Variants in NEK10 observed in about 807,000 individuals in gnomAD.
NEK10 encodes serine/threonine-protein kinase Nek10.
Under a neutral mutation model 159.8 loss-of-function variants are expected in NEK10, and 122 were observed. The ratio of observed to expected loss-of-function variants is 0.76; its 90% CI spans 0.66 to 0.89. The LOEUF (loss-of-function observed/expected upper bound fraction) is 0.89. NEK10 is among the 40% of genes least tolerant of loss of function. The pLI is 0.00. For synonymous variants in NEK10, 466 were observed against 457.1 expected, an observed-to-expected ratio of 1.02 and a Z score of -0.25; for missense variants, 1,342 against 1,323.1, an observed-to-expected ratio of 1.01 and a Z score of -0.22.
chr3:27,185,713 C>G (rs1333671464), intron 26 of NEK10, among the ~76,000 whole-genome samples: 1 of 152,166 alleles, frequency 6.6e-6, no homozygotes. Context: ...TATGACATAT[C>G]AGCATCCCTG....
At chr3:27,192,437 A>C (rs1380985807) in intron 25 of NEK10, among the ~76,000 whole-genome samples, 195 bp from the exon 26 acceptor site, 1 of 152,154 alleles carries the variant, frequency 6.6e-6, no homozygotes, top group Non-Finnish European at 1.5e-5. Flanking sequence ...TAAGGAAGGA[A>C]AAGGAGTCAG....
intron 1 of NEK10, among the ~76,000 whole-genome samples, chr3:27,366,901 T>G (rs2049134151): frequency 7.0e-6 from 1 of 142,302 alleles, no homozygotes; most frequent in Admixed American, 7.5e-5. Flanking sequence ...AACCTCCGCC[T>G]CCCGGTTCAA....
intron 5 of NEK10, among the ~76,000 whole-genome samples, chr3:27,331,247 A>AC (rs2046379653): frequency 7.8e-6 from 1 of 127,718 alleles, no homozygotes; most frequent in Non-Finnish European, 1.7e-5. Context: ...CAAAAAAAAA[A>AC]AAACAAAAAA....
At chr3:27,224,244 T>C (rs1952405546) in intron 23 of NEK10, among the ~76,000 whole-genome samples, 1 of 152,192 alleles carries the variant, frequency 6.6e-6, no homozygotes, top group Admixed American at 6.5e-5. Flanking sequence ...CAATGGACAG[T>C]CCCATTTCTT....
In NEK10 at chr3:27,149,408, T is replaced by C. The variant is rs936807645; in HGVS notation, c.2870-7826A>G. On this transcript the variant is annotated intron_variant, in intron 30 of 35. Transcript: ENST00000691995. The stretch of plus-strand genomic sequence containing the variant: ...TTTAAGTTTTGTGTCAATTCTGCAT[T>C]GAGCAAGGCTACTGGCACCATTTTT... Among the ~76,000 whole-genome samples the C allele has an allele frequency of 2.0e-5, 3 of 152,302 alleles. 1 individual carries two copies. The highest frequency in any genetic ancestry group is 6.5e-5 in the Admixed American group (1 of 15,290).
intron 23 of NEK10, among the ~76,000 whole-genome samples, chr3:27,255,794 ATTAT>A (rs1225493405): frequency 6.6e-6 from 1 of 152,200 alleles, no homozygotes; most frequent in Non-Finnish European, 1.5e-5. Context: ...TATACATATC[ATTAT>A]TTATTCATTC....
chr3:27,200,601 T>C (rs1293252268), intron 25 of NEK10, among the ~76,000 whole-genome samples: 1 of 152,244 alleles, frequency 6.6e-6, no homozygotes, highest in Non-Finnish European at 1.5e-5. Flanking sequence ...ACAAATTAAC[T>C]GACTAAGTCC....
rs1378657938 is a variant in NEK10, at chr3:27,107,936, C to T, written c.*3336G>A. Among the ~76,000 whole-genome samples the T allele has an allele frequency of 6.6e-6, 1 of 152,160 alleles. No homozygotes were observed. Among genetic ancestry groups the T allele is most frequent in the Non-Finnish European group, 1.5e-5 (1 of 68,026 alleles). On this transcript the variant is annotated 3_prime_UTR_variant, in exon 36 of 36. Coordinates refer to ENST00000691995, the MANE Select transcript of NEK10 (RefSeq NM_001394966.1). ...ATAGCAATACATACATGCTATAATA[C>T]ATCAAATCAAAAAGAGGAATGTGGG... is the stretch of plus-strand genomic sequence containing the variant.
intron 5 of NEK10, among the ~76,000 whole-genome samples, chr3:27,341,740 T>A (rs2047216172): frequency 6.6e-6 from 1 of 152,098 alleles, no homozygotes; most frequent in Non-Finnish European, 1.5e-5. Context: ...AAAGGAGGTG[T>A]CCACAAATGT....
chr3:27,279,296 T>G (rs1235565081), intron 22 of NEK10, among the ~76,000 whole-genome samples: 2 of 152,194 alleles, frequency 1.3e-5, no homozygotes, highest in African/African-American at 4.8e-5. Context: ...GGCAATTCTG[T>G]GTTTCTTTTC....
chr3:27,266,925 C>T (rs1239004571), intron 22 of NEK10, among the ~76,000 whole-genome samples: 1 of 152,142 alleles, frequency 6.6e-6, no homozygotes, highest in African/African-American at 2.4e-5. Context: ...GGCACTATAT[C>T]CAGCTTCCTG....
intron 35 of NEK10, 70 bp from the exon 36 acceptor site, chr3:27,111,390 A>T (rs1266469179): frequency 8.3e-7 from 1 of 1,201,344 alleles, no homozygotes; most frequent in African/African-American, 1.6e-5. Flanking sequence ...TCAATTTCAA[A>T]AACTGGGGCT....
At chr3:27,209,574 A>G (rs968082451) in intron 23 of NEK10, among the ~76,000 whole-genome samples, 23 of 152,258 alleles carry the variant, frequency 1.5e-4, no homozygotes, top group African/African-American at 5.5e-4. Context: ...GAAATGTTAA[A>G]TTCAGGCCTA....
At chr3:27,138,253 T>G (rs189046661) in intron 31 of NEK10, among the ~76,000 whole-genome samples, 51 of 152,262 alleles carry the variant, frequency 3.3e-4, no homozygotes, top group Middle Eastern at 3.4e-3. Flanking sequence ...CCTGGTCCCA[T>G]GGAGGGTGCT....
rs778720217 is a variant in NEK10, at chr3:27,110,794, A to C, written c.*478T>G. The stretch of plus-strand genomic sequence containing the variant: ...GTAAAAATGGAGGATACAGTGAATC[A>C]CCCAATATATTATTCTGAGTCCTGT... On this transcript the variant is annotated 3_prime_UTR_variant, in exon 36 of 36. Transcript: ENST00000691995. The C allele has an allele frequency of 2.6e-5, 4 of 152,690 alleles. No homozygotes were observed. In the Admixed American group the frequency reaches 2.6e-4, roughly 10 times the overall value. The allele number at this position is 152,690 out of a possible 1,614,324, so 9.5% of individuals were successfully genotyped here. A position where few individuals can be genotyped will look rare whatever the true frequency, so the allele number is the denominator to read the frequency against.
chr3:27,174,345 ATG>A, intron 28 of NEK10, 92 bp downstream of exon 28: 1 of 1,585,148 alleles, frequency 6.3e-7, no homozygotes, highest in East Asian at 2.2e-5. Context: ...CCACTGGGTT[ATG>A]TATATGGTGA....
chr3:27,263,590 C>T (rs551497074), intron 22 of NEK10, among the ~76,000 whole-genome samples: 1 of 152,314 alleles, frequency 6.6e-6, no homozygotes, highest in East Asian at 1.9e-4. Flanking sequence ...ATGAGCGAGG[C>T]TCCGTGGGTA....
intron 7 of NEK10, among the ~76,000 whole-genome samples, chr3:27,313,947 G>T (rs1298643548): frequency 6.6e-6 from 1 of 152,080 alleles, no homozygotes; most frequent in Non-Finnish European, 1.5e-5. Context: ...CCTGACCTCA[G>T]GTGATCCACC....
intron 28 of NEK10, among the ~76,000 whole-genome samples, chr3:27,172,959 T>A (rs1947153126): frequency 6.6e-6 from 1 of 152,172 alleles, no homozygotes; most frequent in African/African-American, 2.4e-5. Flanking sequence ...CATTGTAGCA[T>A]GAAAGCAGTC....
Sources: allele counts gnomAD v4.1 joint callset (sites outside exome capture counted in the v4.1 genomes callset), GRCh38; gene constraint gnomAD v4.1.1; transcripts MANE v1.5; gene names NCBI Gene and HGNC (gene_info 2026-07-23, HGNC 2026-07-21).